The following ADGRA1 variants were observed in gnomAD, a reference collection of about 807,000 sequenced individuals.
ADGRA1 encodes G-protein coupled receptor 123.
In ADGRA1, 12 loss-of-function variants were observed where a neutral mutation model predicts 21.3. The observed-to-expected ratio is 0.56, with a 90% CI of 0.36 to 0.91. The LOEUF is 0.91. Among genes scored for constraint, ADGRA1 ranks in the 40% least tolerant of loss-of-function variants. The pLI, the probability that ADGRA1 is intolerant of heterozygous loss-of-function variation, is 0.01. For synonymous variants in ADGRA1, 385 were observed against 368.8 expected (o/e 1.04, Z -0.50); for missense variants, 790 against 805.6 (o/e 0.98, Z 0.23).
intron 2 of ADGRA1, among the ~76,000 whole-genome samples, chr10:133,092,747 G>GGAAGGAAGGA (rs1851615686): frequency 1.2e-5 from 1 of 81,522 alleles, no homozygotes; most frequent in African/African-American, 4.9e-5. Context: ...GAGAAATAGG[G>GGAAGGAAGGA]AGGGAGGAAG....
In ADGRA1 at chr10:133,127,264, A is replaced by G; in HGVS notation, c.433A>G (p.Ile145Val). Residue 145 changes from isoleucine to valine, a missense_variant, in exon 6 of 7, where the codon ATC becomes GTC. Physicochemically the swap from Ile to Val is conservative, Grantham distance 29. Around this residue, in one of 3 missense-constraint regions of ADGRA1, gnomAD observed 382 missense variants for 415.6 expected, o/e 0.92. Transcript: ENST00000392607. Reference sequence around the variant, plus strand: ...CCTCGTCAGCGGAGGGGTCCCCTTTATCATCTGTGGGGTCACGGCTGCCAC... The same window carrying G: ...CCTCGTCAGCGGAGGGGTCCCCTTTGTCATCTGTGGGGTCACGGCTGCCAC... ...FYLVSGGVPF[I>V]ICGVTAATNI... is the part of the protein sequence containing the mutation. The G allele has an allele frequency of 6.3e-7, 1 of 1,593,636 alleles. No homozygotes were observed. The highest frequency in any genetic ancestry group is 8.5e-7 in the Non-Finnish European group (1 of 1,172,168).
chr10:133,104,046 G>A (rs1851849849), intron 5 of ADGRA1, among the ~76,000 whole-genome samples: 1 of 152,218 alleles, frequency 6.6e-6, no homozygotes, highest in Non-Finnish European at 1.5e-5. Flanking sequence ...GCTGGCGCAC[G>A]GACACCTGCT....
chr10:133,111,205 A>C (rs201004931), intron 5 of ADGRA1, among the ~76,000 whole-genome samples: 890 of 62,604 alleles, frequency 0.014, 61 homozygotes, highest in East Asian at 0.056. Flanking sequence ...CCCTCCAGAC[A>C]ACCTGCCCAC....
chr10:133,101,222 C>T (rs1851787588), intron 4 of ADGRA1, among the ~76,000 whole-genome samples: 2 of 152,066 alleles, frequency 1.3e-5, no homozygotes, highest in Non-Finnish European at 2.9e-5. Flanking sequence ...GCCCTTGTCA[C>T]ACCCACCTTC....
chr10:133,103,565 G>T (rs1246230683), intron 5 of ADGRA1, among the ~76,000 whole-genome samples: 1 of 152,230 alleles, frequency 6.6e-6, no homozygotes, highest in Non-Finnish European at 1.5e-5. Context: ...TGGGAACCAT[G>T]GGCCTGCCTA....
At chr10:133,124,966 G>C (rs533908845) in intron 5 of ADGRA1, among the ~76,000 whole-genome samples, 2 of 152,144 alleles carry the variant, frequency 1.3e-5, no homozygotes, top group African/African-American at 4.8e-5. Context: ...CCGGTGGTGC[G>C]CCGTGGGTCC....
intron 4 of ADGRA1, among the ~76,000 whole-genome samples, chr10:133,100,086 G>A (rs1851763205): frequency 1.3e-5 from 2 of 152,230 alleles, no homozygotes; most frequent in Admixed American, 1.3e-4. Flanking sequence ...CACAAACACA[G>A]GGCCCTGGCG....
At chr10:133,118,653 T>C (rs1852199476) in intron 5 of ADGRA1, among the ~76,000 whole-genome samples, 1 of 152,158 alleles carries the variant, frequency 6.6e-6, no homozygotes, top group Non-Finnish European at 1.5e-5. Context: ...GAGAACAGCA[T>C]GAGGGAAGCC....
intron 2 of ADGRA1, among the ~76,000 whole-genome samples, chr10:133,089,483 G>A (rs1244447973): frequency 2.6e-5 from 4 of 152,206 alleles, no homozygotes; most frequent in Non-Finnish European, 5.9e-5. Context: ...CGAGCCCATC[G>A]TGGGTCCCTC....
intron 2 of ADGRA1, among the ~76,000 whole-genome samples, chr10:133,094,923 G>A (rs889047569): frequency 5.9e-5 from 9 of 152,132 alleles, no homozygotes; most frequent in South Asian, 2.1e-4. Context: ...GGATTTGGCC[G>A]GGAAAACATG....
At chr10:133,091,201 A>T (rs1851590886) in intron 2 of ADGRA1, among the ~76,000 whole-genome samples, 1 of 152,250 alleles carries the variant, frequency 6.6e-6, no homozygotes, top group African/African-American at 2.4e-5. Context: ...TTTGAGGCTG[A>T]AAAGCCACAG....
chr10:133,093,017 C>T (rs1233739467), intron 2 of ADGRA1: 1 of 1,594,212 alleles, frequency 6.3e-7, no homozygotes, highest in Non-Finnish European at 8.5e-7. Context: ...GTTCCTCAGC[C>T]AGTCGGAGCT....
At chr10:133,128,101 G>A (rs1564856039) in intron 6 of ADGRA1, among the ~76,000 whole-genome samples, 1 of 110,970 alleles carries the variant, frequency 9.0e-6, no homozygotes, top group Non-Finnish European at 1.8e-5. Context: ...GCCTCTACCC[G>A]CACCTGGGAC....
Position 133,121,005 on chromosome 10 carries a change from G to A in ADGRA1, c.402-6228G>A, listed in dbSNP as rs948736115. Among the ~76,000 whole-genome samples the A allele has an allele frequency of 5.3e-5, 8 of 152,206 alleles. No homozygotes were observed. In the East Asian group the frequency reaches 1.3e-3, roughly 26 times the overall value. Reference sequence around the variant, plus strand: ...CCTAATTTCAATATTTCTGTGGCTCGGGGAATAGGAGGGAGATGGGGAACA... The same window carrying A: ...CCTAATTTCAATATTTCTGTGGCTCAGGGAATAGGAGGGAGATGGGGAACA... On this transcript the variant is annotated intron_variant, in intron 5 of 6. Coordinates refer to ENST00000392607, the MANE Select transcript of ADGRA1 (RefSeq NM_001083909.3).
rs1852448763 is a variant in ADGRA1, at chr10:133,128,994, G to T, written c.1166G>T (p.Cys389Phe). ...ACCCCGTGCTGCGCCAAGATGCACT[G>T]CGAGCCACTGACGGCGGACGAGGCG... is the stretch of plus-strand genomic sequence containing the variant. ...PATPCCAKMH[C>F]EPLTADEAHV... Residue 389 changes from cysteine to phenylalanine, a missense_variant, in exon 7 of 7, where the codon TGC becomes TTC. Physicochemically the swap from Cys to Phe is radical, Grantham distance 205 (BLOSUM62 -2). This residue lies in a region of ADGRA1 where 391 missense variants were observed against 351.5 expected (regional missense o/e 1.11). Transcript: ENST00000392607. 1 of 1,567,116 alleles carries T rather than the reference G, an allele frequency of 6.4e-7. No individual in the cohort carries two copies.
intron 5 of ADGRA1, among the ~76,000 whole-genome samples, chr10:133,105,842 G>A (rs1851885134): frequency 6.6e-6 from 1 of 152,248 alleles, no homozygotes; most frequent in Non-Finnish European, 1.5e-5. Flanking sequence ...AGCCTCTGCG[G>A]CCCGAACGTT....
intron 5 of ADGRA1, among the ~76,000 whole-genome samples, chr10:133,126,452 G>C (rs1162543885): frequency 1.3e-5 from 2 of 152,180 alleles, no homozygotes; most frequent in Non-Finnish European, 2.9e-5. Context: ...GTTCGCAGGA[G>C]CCGGGGAGAC....
At chr10:133,124,557 G>A (rs549468213) in intron 5 of ADGRA1, among the ~76,000 whole-genome samples, 2 of 152,248 alleles carry the variant, frequency 1.3e-5, no homozygotes, top group African/African-American at 2.4e-5. Flanking sequence ...GAGGGGTGGG[G>A]TGGCCATTCC....
Position 133,129,932 on chromosome 10 carries a change from T to G in ADGRA1, c.*421T>G, listed in dbSNP as rs1852482583. 1.1e-5 allele frequency: 2 copies of G among 174,800 alleles called. No individual in the cohort carries two copies. Among genetic ancestry groups the G allele is most frequent in the Non-Finnish European group, 2.4e-5 (2 of 82,112 alleles). 10.8% of individuals were successfully genotyped at this position (174,800 alleles called of 1,614,324 possible). ...GCCCTGCTGCCCACGGAGTCCTGGC[T>G]TCCCCTGGTGTGGCCGGGCAGGGCC... On this transcript the variant is annotated 3_prime_UTR_variant, in exon 7 of 7. Coordinates refer to ENST00000392607, the MANE Select transcript of ADGRA1 (RefSeq NM_001083909.3).
Sources: gnomAD v4.1 joint callset for allele counts (sites outside exome capture counted in the v4.1 genomes callset) on GRCh38, gnomAD v4.1.1 for gene constraint, gnomAD v4.1.1 regional missense constraint, MANE v1.5 for transcripts, NCBI Gene and HGNC (gene_info 2026-07-23, HGNC 2026-07-21) for gene names.